ATP8B4: variants seen among roughly 807,000 people sequenced by gnomAD.
ATP8B4 encodes ATPase phospholipid transporting 8B4 (putative).
ATP8B4 carries 133 observed loss-of-function variants against 145.6 expected under a neutral mutation model. That is an observed-to-expected ratio of 0.91 (90% CI 0.79 to 1.05). The LOEUF (loss-of-function observed/expected upper bound fraction) is 1.05, where lower values mean the gene tolerates loss of function less well. Ranked by LOEUF, ATP8B4 falls within the 50% of genes least tolerant of loss-of-function variation. The pLI is 0.00. For synonymous variants in ATP8B4, 507 were observed against 492.9 expected (o/e 1.03, Z -0.38); for missense variants, 1,458 against 1,425.2 (o/e 1.02, Z -0.37).
chr15:49,989,359 G>A (rs1332843210), intron 9 of ATP8B4, among the ~76,000 whole-genome samples: 3 of 151,688 alleles, frequency 2.0e-5, no homozygotes, highest in Admixed American at 6.6e-5. Flanking sequence ...TGACAGCAAC[G>A]CTTGAAGTTT....
intron 25 of ATP8B4, among the ~76,000 whole-genome samples, chr15:49,874,549 C>A (rs1243924798): frequency 6.6e-6 from 1 of 152,076 alleles, no homozygotes; most frequent in African/African-American, 2.4e-5. Context: ...AGGTCTGAAG[C>A]AAATGGATTT....
chr15:50,000,779 CA>C (rs2047822130), intron 8 of ATP8B4, among the ~76,000 whole-genome samples: 1 of 152,116 alleles, frequency 6.6e-6, no homozygotes, highest in South Asian at 2.1e-4. Context: ...TCTGACCAGA[CA>C]GCCCTAGATT....
intron 23 of ATP8B4, chr15:49,886,000 C>T (rs1399458934): frequency 6.6e-6 from 1 of 152,182 alleles, no homozygotes; most frequent in African/African-American, 2.4e-5. Context: ...CACTCCGTGC[C>T]TCCATGAGTG....
intron 25 of ATP8B4, among the ~76,000 whole-genome samples, chr15:49,868,380 A>G (rs6493383): frequency 0.32 from 48,593 of 152,096 alleles, 8,476 homozygotes; most frequent in African/African-American, 0.45. Context: ...AGAAAACATT[A>G]AGCTAAAAAG....
chr15:50,093,851 A>ATACTCATAT (rs2055775848), intron 2 of ATP8B4, among the ~76,000 whole-genome samples: 2 of 152,216 alleles, frequency 1.3e-5, no homozygotes, highest in African/African-American at 2.4e-5. Flanking sequence ...TACTCATATC[A>ATACTCATAT]GATAAATTAA....
intron 7 of ATP8B4, among the ~76,000 whole-genome samples, chr15:50,010,636 C>T (rs1306433393): frequency 6.6e-6 from 1 of 151,962 alleles, no homozygotes; most frequent in Non-Finnish European, 1.5e-5. Context: ...CAAGGTGATA[C>T]TCATTCAACC....
intron 25 of ATP8B4, among the ~76,000 whole-genome samples, chr15:49,874,140 C>T (rs965421755): frequency 6.6e-6 from 1 of 152,186 alleles, no homozygotes; most frequent in East Asian, 1.9e-4. Context: ...GATTAACAGA[C>T]ATTTCCACTG....
At chr15:50,168,229 C>G (rs1432981706) in intron 1 of ATP8B4, among the ~76,000 whole-genome samples, 6 of 152,144 alleles carry the variant, frequency 3.9e-5, no homozygotes, top group African/African-American at 1.4e-4. Context: ...CATGCGAAGG[C>G]TCGCATTGCG....
chr15:49,929,765 T>C (rs2041085457), intron 16 of ATP8B4, among the ~76,000 whole-genome samples: 1 of 150,764 alleles, frequency 6.6e-6, no homozygotes, highest in Non-Finnish European at 1.5e-5. Context: ...AAAACAGGAG[T>C]GTCAAGAAAA....
In ATP8B4 at chr15:49,918,842, G is replaced by A. The variant is rs182913149; in HGVS notation, c.2032C>T (p.Gln678Ter). ...TCAACATCCATTTTCAAGTTACCTT[G>A]TTTGTCTCCTGTTAGGACCCAGATC... is the stretch of plus-strand genomic sequence containing the variant. ...IKIWVLTGDK[Q>*]ETAINIGYAC... Residue 678 changes from glutamine (Q) to a stop codon, truncating the protein, a stop_gained, in exon 19 of 28, where the codon CAA becomes TAA. Transcript: ENST00000284509. LOFTEE classifies it high-confidence loss of function. 33 of 1,599,018 alleles carry A rather than the reference G, an allele frequency of 2.1e-5. No individual in the cohort carries two copies. The East Asian group carries it at 7.2e-4, about 35-fold the overall frequency.
At chr15:49,931,542 T>C (rs2041257861) in intron 15 of ATP8B4, among the ~76,000 whole-genome samples, 1 of 152,030 alleles carries the variant, frequency 6.6e-6, no homozygotes, top group South Asian at 2.1e-4. Flanking sequence ...TAGGAAAACA[T>C]CCATTTCTGA....
At chr15:50,072,390 C>T (rs970683706) in intron 3 of ATP8B4, among the ~76,000 whole-genome samples, 1 of 152,110 alleles carries the variant, frequency 6.6e-6, no homozygotes, top group Admixed American at 6.5e-5. Flanking sequence ...TTCCAGGTAG[C>T]AACTTACACA....
At chr15:49,928,860 T>C (rs1005184596) in intron 16 of ATP8B4, among the ~76,000 whole-genome samples, 1 of 151,968 alleles carries the variant, frequency 6.6e-6, no homozygotes, top group African/African-American at 2.4e-5. Flanking sequence ...GAGAAGGAGA[T>C]GGATTAGAGA....
intron 1 of ATP8B4, among the ~76,000 whole-genome samples, chr15:50,135,271 G>A (rs146923520): frequency 5.1e-4 from 78 of 152,198 alleles, no homozygotes; most frequent in African/African-American, 1.9e-3. Flanking sequence ...TCAGCTTGTA[G>A]GTTGATAAGG....
chr15:50,035,947 G>C (rs977874481), intron 6 of ATP8B4, among the ~76,000 whole-genome samples: 2 of 152,072 alleles, frequency 1.3e-5, no homozygotes, highest in South Asian at 4.1e-4. Context: ...AACCCAATGT[G>C]ACACCCACCC....
chr15:50,062,634 T>C (rs968882623), intron 3 of ATP8B4, among the ~76,000 whole-genome samples: 6 of 152,194 alleles, frequency 3.9e-5, no homozygotes, highest in African/African-American at 1.4e-4. Flanking sequence ...TCATAATTAA[T>C]GATGCATCAC....
At chr15:49,950,615 C>T (rs868576900) in intron 14 of ATP8B4, among the ~76,000 whole-genome samples, 4 of 79,980 alleles carry the variant, frequency 5.0e-5, no homozygotes, top group African/African-American at 2.0e-4. Context: ...AACAAACAAA[C>T]AAACAAAAAA....
rs566030080 is a variant in ATP8B4 at position 50,029,559 on chromosome 15, T to C, written c.362+9209A>G. Among the ~76,000 whole-genome samples the C allele has an allele frequency of 2.0e-5, 3 of 152,332 alleles. No individual in the cohort carries two copies. In the South Asian group the frequency reaches 6.2e-4, roughly 32 times the overall value. On this transcript the variant is annotated intron_variant, in intron 6 of 27. Transcript: ENST00000284509. ...CCAGGATGATCTTACCTCAAGATCT[T>C]TAATTTAATTATGTCTGCTAAGAGC...
At chr15:50,000,448 T>C (rs921037909) in intron 8 of ATP8B4, among the ~76,000 whole-genome samples, 2 of 123,862 alleles carry the variant, frequency 1.6e-5, no homozygotes, top group African/African-American at 9.1e-5. Context: ...CAGTAGTTAA[T>C]GATGTTGAGC....
Sources: allele counts gnomAD v4.1 joint callset (sites outside exome capture counted in the v4.1 genomes callset), GRCh38; gene constraint gnomAD v4.1.1; transcripts MANE v1.5; gene names NCBI Gene and HGNC (gene_info 2026-07-23, HGNC 2026-07-21).